ZNF83: variants seen among roughly 807,000 people sequenced by gnomAD.
ZNF83 encodes the protein zinc finger protein 816B.
For missense variants in ZNF83, 552 were observed against 629.9 expected (o/e 0.88, Z 1.32); for synonymous variants, 209 against 213.0 (o/e 0.98, Z 0.17).
intron 1 of ZNF83, among the ~76,000 whole-genome samples, chr19:52,676,772 T>C (rs1197217562): frequency 7.2e-6 from 1 of 139,368 alleles, no homozygotes; most frequent in Non-Finnish European, 1.5e-5. Flanking sequence ...TTTCATTTTG[T>C]TCTGCACTAA....
chr19:52,642,261 CTTTTTTTTTTT>C (rs869173970), upstream of ZNF83, among the ~76,000 whole-genome samples: 50 of 47,832 alleles, frequency 1.0e-3, no homozygotes, highest in Admixed American at 1.1e-3. Context: ...AGTATTGTAG[CTTTTTTTTTTT>C]TTTTTTTTTT....
chr19:52,614,114 ATTTATATGGC>A, exon 3 of ZNF83: 1 of 1,614,044 alleles, frequency 6.2e-7, no homozygotes, highest in African/African-American at 1.3e-5. Flanking sequence ...CATTCATTAC[ATTTATATGGC>A]TTCTCTCCAG....
upstream of ZNF83, among the ~76,000 whole-genome samples, chr19:52,638,762 C>A (rs1250212464): frequency 6.6e-6 from 1 of 152,208 alleles, no homozygotes; most frequent in African/African-American, 2.4e-5. Context: ...TTTAGAGACT[C>A]AGGCCACTGC....
intron 1 of ZNF83, among the ~76,000 whole-genome samples, chr19:52,677,731 C>T (rs954544385): frequency 1.3e-5 from 2 of 151,808 alleles, no homozygotes; most frequent in African/African-American, 4.8e-5. Flanking sequence ...AGGTAGAGAT[C>T]GGTTTGTGAA....
At chr19:52,624,308 C>T (rs1177044935) in intron 2 of ZNF83, among the ~76,000 whole-genome samples, 1 of 145,362 alleles carries the variant, frequency 6.9e-6, no homozygotes, top group Non-Finnish European at 1.5e-5. Context: ...CAAATTTCTT[C>T]CCCATCCATT....
chr19:52,667,458 T>C (rs1333847363), intron 1 of ZNF83, among the ~76,000 whole-genome samples: 1 of 152,182 alleles, frequency 6.6e-6, no homozygotes, highest in African/African-American at 2.4e-5. Flanking sequence ...GTCCTCCTGA[T>C]TGTAAAACTG....
chr19:52,673,457 C>T (rs76271058), intron 1 of ZNF83, among the ~76,000 whole-genome samples: 6,033 of 151,956 alleles, frequency 0.04, 345 homozygotes, highest in African/African-American at 0.13. Flanking sequence ...GAGCTGAGAT[C>T]GCACCACTAC....
chr19:52,613,331 G>A lies in ZNF83; in HGVS notation c.1234C>T (p.Gln412Ter), dbSNP rs200477923. ...CAATGATATGCAAGGTATGAATTTT[G>A]ACTGAAGACTTTGCCACATTCATCA... Residue 412 changes from glutamine (Q) to a stop codon, truncating the protein, a stop_gained, in exon 3 of 3, where the codon CAA becomes TAA. Coordinates refer to ENST00000301096, the Ensembl canonical transcript of ZNF83. LOFTEE classifies it low-confidence loss of function (END_TRUNC). 2 of 1,613,950 alleles carry A rather than the reference G, an allele frequency of 1.2e-6. No homozygotes were observed. Among genetic ancestry groups the A allele is most frequent in the Non-Finnish European group, 1.7e-6 (2 of 1,179,976 alleles).
At chr19:52,639,486 G>A (rs1414689116), upstream of ZNF83, among the ~76,000 whole-genome samples, 1 of 140,016 alleles carries the variant, frequency 7.1e-6, no homozygotes, top group Non-Finnish European at 1.5e-5. Flanking sequence ...GGCGAGATCT[G>A]GGCTCACTGC....
intron 2 of ZNF83, among the ~76,000 whole-genome samples, chr19:52,622,846 T>A (rs1008010783): frequency 1.3e-5 from 2 of 152,174 alleles, no homozygotes; most frequent in African/African-American, 2.4e-5. Flanking sequence ...AACCTCACCT[T>A]CAAAGTGTGC....
chr19:52,689,762 C>G (rs2062113807), intron 1 of ZNF83, among the ~76,000 whole-genome samples: 1 of 151,772 alleles, frequency 6.6e-6, no homozygotes, highest in Non-Finnish European at 1.5e-5. Flanking sequence ...CTGTCCGTCT[C>G]CTGATCCCTT....
chr19:52,689,129 A>C (rs2062099464), intron 1 of ZNF83, among the ~76,000 whole-genome samples: 1 of 152,200 alleles, frequency 6.6e-6, no homozygotes, highest in South Asian at 2.1e-4. Flanking sequence ...TATAGATTAC[A>C]CAACCTGTCA....
At chr19:52,643,131 TCATGCCA>T (rs1278632496), upstream of ZNF83, among the ~76,000 whole-genome samples, 5 of 151,834 alleles carry the variant, frequency 3.3e-5, no homozygotes, top group Admixed American at 2.0e-4. Context: ...TGAGCCGAAA[TCATGCCA>T]CTGCACTCCA....
upstream of ZNF83, among the ~76,000 whole-genome samples, chr19:52,642,041 A>C (rs1420437204): frequency 3.3e-5 from 5 of 152,138 alleles, no homozygotes; most frequent in Non-Finnish European, 7.3e-5. Context: ...GTAGAGGAAT[A>C]GTCACTTATG....
intron 1 of ZNF83, chr19:52,636,851 TCTCA>T (rs1469766806): frequency 1.5e-5 from 2 of 132,104 alleles, no homozygotes; most frequent in Admixed American, 8.0e-5. Context: ...GAGATGGGGG[TCTCA>T]CTATGTTGCC....
chr19:52,667,933 G>T (rs546947567), intron 1 of ZNF83, among the ~76,000 whole-genome samples: 71 of 152,088 alleles, frequency 4.7e-4, no homozygotes, highest in Non-Finnish European at 8.7e-4. Context: ...ATATAAAATG[G>T]TATTTGGCTT....
At chr19:52,673,466 A>G (rs532337332) in intron 1 of ZNF83, among the ~76,000 whole-genome samples, 2 of 152,050 alleles carry the variant, frequency 1.3e-5, no homozygotes, top group East Asian at 1.9e-4. Flanking sequence ...TCGCACCACT[A>G]CACTCCAGGG....
chr19:52,619,646 A>G (rs1285843599), intron 2 of ZNF83, among the ~76,000 whole-genome samples: 1 of 151,256 alleles, frequency 6.6e-6, no homozygotes, highest in Non-Finnish European at 1.5e-5. Context: ...AAAAAATGTT[A>G]GAAACTTTTA....
chr19:52,683,032 A>G (rs1030093734), intron 1 of ZNF83, among the ~76,000 whole-genome samples: 96 of 151,664 alleles, frequency 6.3e-4, no homozygotes, highest in Non-Finnish European at 1.1e-3. Context: ...CACCACACCC[A>G]GCTAATTTTT....
Sources: gnomAD v4.1 joint callset for allele counts (sites outside exome capture counted in the v4.1 genomes callset) on GRCh38, gnomAD v4.1.1 for gene constraint, MANE v1.5 for transcripts, NCBI Gene and HGNC (gene_info 2026-07-23, HGNC 2026-07-21) for gene names.